Variants in FAM171A1 observed in about 807,000 individuals in gnomAD.
The protein encoded by FAM171A1 is family with sequence similarity 171 member A1.
FAM171A1 carries 23 observed loss-of-function variants against 74.9 expected under a neutral mutation model. That is an observed-to-expected ratio of 0.31 (90% confidence interval 0.22 to 0.44). The LOEUF (loss-of-function observed/expected upper bound fraction) is 0.44. Among genes scored for constraint, FAM171A1 ranks in the 20% least tolerant of loss-of-function variants. FAM171A1 has a pLI of 1.00. For missense variants in FAM171A1, 1,162 were observed against 1,159.2 expected (o/e 1.00, Z -0.03); for synonymous variants, 527 against 505.7 (o/e 1.04, Z -0.57).
At chr10:15,324,253 G>A (rs142533858) in intron 1 of FAM171A1, among the ~76,000 whole-genome samples, 57 of 152,108 alleles carry the variant, frequency 3.7e-4, no homozygotes, top group Middle Eastern at 6.8e-3. Context: ...TCCTTTCTCC[G>A]TCTTTTCCTA....
chr10:15,339,242 T>C (rs753441120), intron 1 of FAM171A1, among the ~76,000 whole-genome samples: 1 of 152,246 alleles, frequency 6.6e-6, no homozygotes, highest in Non-Finnish European at 1.5e-5. Flanking sequence ...TTATTAATAT[T>C]AGTTGCAATT....
intron 5 of FAM171A1, among the ~76,000 whole-genome samples, chr10:15,236,285 C>A (rs1343594949): frequency 1.7e-3 from 233 of 136,964 alleles, no homozygotes; most frequent in Admixed American, 2.2e-3. Context: ...ATCATGCTTC[C>A]AAAAAAAAAA....
Position 15,367,067 on chromosome 10 carries a change from C to T in FAM171A1, c.97+3889G>A, listed in dbSNP as rs183796240. Among the ~76,000 whole-genome samples the T allele has an allele frequency of 7.9e-3, 1,195 of 152,128 alleles. 15 individuals carry two copies. The highest frequency in any genetic ancestry group is 0.027 in the African/African-American group (1,136 of 41,478). Reference sequence around the variant, plus strand: ...CAAAAAAAATAGCCAGGCGTGGTGGCGGGCACCTGTAGTCCCAGCTACTCA... The same window carrying T: ...CAAAAAAAATAGCCAGGCGTGGTGGTGGGCACCTGTAGTCCCAGCTACTCA... On this transcript the variant is annotated intron_variant, in intron 1 of 7. Coordinates refer to ENST00000378116, the MANE Select transcript of FAM171A1 (RefSeq NM_001010924.2).
At chr10:15,361,302 C>T (rs1193492923) in intron 1 of FAM171A1, among the ~76,000 whole-genome samples, 4 of 152,178 alleles carry the variant, frequency 2.6e-5, no homozygotes. Flanking sequence ...GGAAACCACA[C>T]CACAACCACA....
chr10:15,298,654 C>T (rs781351250), intron 1 of FAM171A1, among the ~76,000 whole-genome samples: 4 of 152,078 alleles, frequency 2.6e-5, no homozygotes, highest in African/African-American at 4.8e-5. Context: ...GCCATAGTTC[C>T]AACTTTTAAG....
chr10:15,299,639 C>T (rs145229531), intron 1 of FAM171A1, among the ~76,000 whole-genome samples: 9 of 151,798 alleles, frequency 5.9e-5, no homozygotes, highest in Admixed American at 3.9e-4. Flanking sequence ...GAAAGTGCTA[C>T]GTGGGAGCCA....
At chr10:15,350,768 C>T (rs1835868414) in intron 1 of FAM171A1, among the ~76,000 whole-genome samples, 1 of 152,068 alleles carries the variant, frequency 6.6e-6, no homozygotes, top group Admixed American at 6.6e-5. Flanking sequence ...TCAGCCTCCC[C>T]AGTAGCTGGA....
chr10:15,263,733 A>ATCTG lies in FAM171A1; in HGVS notation c.419-8858_419-8855dup, dbSNP rs1256043761. Reference sequence around the variant, plus strand: ...ATCTATCCTATCAATCTATCTATCTATCTGTCTGTCTATCTATCTATCTAT... The same window carrying ATCTG: ...ATCTATCCTATCAATCTATCTATCTATCTGTCTGTCTGTCTATCTATCTATCTAT... On this transcript the variant is annotated intron_variant, in intron 3 of 7. Transcript: ENST00000378116. 7.6e-3 allele frequency among the ~76,000 whole-genome samples: 1,000 copies of ATCTG among 131,796 alleles called. 11 individuals are homozygous for ATCTG. The highest frequency in any genetic ancestry group is 0.022 in the African/African-American group (779 of 35,902). The allele number at this position is 131,796 out of a possible 152,430, so 86.5% of individuals were successfully genotyped here. A position where few individuals can be genotyped will look rare whatever the true frequency, so the allele number is the denominator to read the frequency against.
chr10:15,271,481 C>T (rs1439281987), intron 3 of FAM171A1, among the ~76,000 whole-genome samples: 1 of 152,170 alleles, frequency 6.6e-6, no homozygotes, highest in East Asian at 1.9e-4. Context: ...TACAGGAGAA[C>T]TTCCCCAACC....
At chr10:15,307,692 A>G (rs1048787637) in intron 1 of FAM171A1, among the ~76,000 whole-genome samples, 3 of 151,010 alleles carry the variant, frequency 2.0e-5, no homozygotes, top group East Asian at 1.9e-4. Flanking sequence ...GAAGATCTCA[A>G]AACAGTTCTA....
chr10:15,259,289 C>A (rs1257747039), intron 3 of FAM171A1, among the ~76,000 whole-genome samples: 1 of 152,166 alleles, frequency 6.6e-6, no homozygotes, highest in Non-Finnish European at 1.5e-5. Flanking sequence ...CCTCTCACCT[C>A]AACTATTGTG....
chr10:15,215,198 G>A (rs979630114), intron 7 of FAM171A1, among the ~76,000 whole-genome samples: 1 of 152,078 alleles, frequency 6.6e-6, no homozygotes, highest in Non-Finnish European at 1.5e-5. Context: ...AGTCTCAAAC[G>A]TGACTAAAAT....
intron 1 of FAM171A1, among the ~76,000 whole-genome samples, chr10:15,347,418 A>G (rs1835828770): frequency 6.6e-6 from 1 of 152,246 alleles, no homozygotes; most frequent in Non-Finnish European, 1.5e-5. Flanking sequence ...GATGAAAGAC[A>G]GCCAGGCCCA....
In FAM171A1 at chr10:15,235,401, TACTGA is replaced by T. The variant is rs572440094; in HGVS notation, c.754+13233_754+13237del. ...AGACCCAATTCTCCTGCCTCAATATTACTGAACTGAACTTGTCACTTGCAACATAC... is the reference window on the plus strand; with the variant it reads ...AGACCCAATTCTCCTGCCTCAATATTACTGAACTTGTCACTTGCAACATAC... On this transcript the variant is annotated intron_variant, in intron 5 of 7. Coordinates refer to ENST00000378116, the MANE Select transcript of FAM171A1 (RefSeq NM_001010924.2). 2.2e-3 allele frequency among the ~76,000 whole-genome samples: 338 copies of T among 151,406 alleles called. 1 individual carries two copies. Among genetic ancestry groups the T allele is most frequent in the Non-Finnish European group, 3.5e-3 (240 of 67,870 alleles).
At chr10:15,221,655 A>G (rs1286576707) in intron 5 of FAM171A1, among the ~76,000 whole-genome samples, 1 of 152,208 alleles carries the variant, frequency 6.6e-6, no homozygotes, top group African/African-American at 2.4e-5. Flanking sequence ...TCTTCCAGTT[A>G]TTACTTTAGC....
rs1564610594 is a variant in FAM171A1 at position 15,212,251 on chromosome 10, G to A, written c.*664C>T. 1 of 153,070 alleles carries A rather than the reference G, an allele frequency of 6.5e-6. No homozygotes were observed. Among genetic ancestry groups the A allele is most frequent in the African/African-American group, 2.4e-5 (1 of 41,460 alleles). 9.5% of individuals were successfully genotyped at this position (153,070 alleles called of 1,614,324 possible). On this transcript the variant is annotated 3_prime_UTR_variant, in exon 8 of 8. Coordinates refer to ENST00000378116, the MANE Select transcript of FAM171A1 (RefSeq NM_001010924.2). ...TACGATTTCATTAAAAGGCTTGGAT[G>A]TTAAGAGAGGACACTCAGCGGTTCC...
At chr10:15,289,518 C>A (rs1350636849) in intron 1 of FAM171A1, among the ~76,000 whole-genome samples, 2 of 152,188 alleles carry the variant, frequency 1.3e-5, no homozygotes, top group Non-Finnish European at 2.9e-5. Flanking sequence ...CTCGTGAACA[C>A]TGCCCTATTT....
chr10:15,310,064 T>C (rs45468896), intron 1 of FAM171A1, among the ~76,000 whole-genome samples: 1,776 of 152,346 alleles, frequency 0.012, 16 homozygotes, highest in Middle Eastern at 0.027. Flanking sequence ...AAGAATCCGA[T>C]GATACTTGAT....
chr10:15,214,308 G>A lies in FAM171A1; in HGVS notation c.1280C>T (p.Ser427Phe). The A allele has an allele frequency of 6.2e-7, 1 of 1,613,160 alleles. No homozygotes were observed. The highest frequency in any genetic ancestry group is 8.5e-7 in the Non-Finnish European group (1 of 1,179,680). Residue 427 changes from serine to phenylalanine, a missense_variant, in exon 8 of 8, where the codon TCC becomes TTC. Coordinates refer to ENST00000378116, the MANE Select transcript of FAM171A1 (RefSeq NM_001010924.2). ...CTTGCAAGAGAGGAGCTCCTCCCGG[G>A]AGCTAAATTCCTGGGAGGTGCTGTA... is the stretch of plus-strand genomic sequence containing the variant. ...LSYSTSQEFS[S>F]REELLSCKEE... is the part of the protein sequence containing the mutation.
Sources: gnomAD v4.1 joint callset for allele counts (sites outside exome capture counted in the v4.1 genomes callset) on GRCh38, gnomAD v4.1.1 for gene constraint, MANE v1.5 for transcripts, NCBI Gene and HGNC (gene_info 2026-07-23, HGNC 2026-07-21) for gene names.